CLNK: variants seen among roughly 807,000 people sequenced by gnomAD.
CLNK encodes the protein cytokine dependent hematopoietic cell linker.
Under a neutral mutation model 68.6 loss-of-function variants are expected in CLNK, and 74 were observed. The observed-to-expected ratio is 1.08, with a 90% CI of 0.89 to 1.31. CLNK has a LOEUF of 1.31. Ranked by LOEUF, CLNK falls within the 50% of genes most tolerant of loss-of-function variation. CLNK has a pLI of 0.00. For missense variants in CLNK, 553 were observed against 515.3 expected, an observed-to-expected ratio of 1.07 and a Z score of -0.71; for synonymous variants, 198 against 172.2, an observed-to-expected ratio of 1.15 and a Z score of -1.17.
the CLNK span, among the ~76,000 whole-genome samples, chr4:10,718,924 C>T: frequency 5.9e-5 from 9 of 151,820 alleles, no homozygotes; most frequent in Non-Finnish European, 4.4e-5. Flanking sequence ...GTAATTTTTC[C>T]ATATTTTATT....
intron 2 of CLNK, among the ~76,000 whole-genome samples, chr4:10,639,488 C>A (rs1474677453): frequency 6.6e-6 from 1 of 152,138 alleles, no homozygotes; most frequent in Admixed American, 6.5e-5. Context: ...CCTATGAGAG[C>A]CTAGTGGGAT....
intron 16 of CLNK, among the ~76,000 whole-genome samples, chr4:10,510,559 A>G (rs935706100): frequency 5.3e-5 from 8 of 152,192 alleles, no homozygotes; most frequent in Non-Finnish European, 1.0e-4. Context: ...AACCTGAAAG[A>G]CTAGTTTGGG....
At chr4:10,544,779 A>G (rs1719162991) in intron 8 of CLNK, among the ~76,000 whole-genome samples, 1 of 152,176 alleles carries the variant, frequency 6.6e-6, no homozygotes, top group African/African-American at 2.4e-5. Context: ...AAGTCCAGGA[A>G]CAAAGAGGGG....
At chr4:10,594,192 A>G (rs965446260) in intron 3 of CLNK, among the ~76,000 whole-genome samples, 20 of 152,176 alleles carry the variant, frequency 1.3e-4, no homozygotes, top group African/African-American at 4.8e-4. Context: ...GTGCCCAACA[A>G]AGAGAACTTA....
chr4:10,662,158 G>A (rs1724217702), intron 2 of CLNK, among the ~76,000 whole-genome samples: 1 of 152,150 alleles, frequency 6.6e-6, no homozygotes, highest in East Asian at 1.9e-4. Flanking sequence ...CTGCTGGGGA[G>A]CATCACAACA....
At chr4:10,675,499 C>T (rs1379132283) in intron 1 of CLNK, among the ~76,000 whole-genome samples, 2 of 152,180 alleles carry the variant, frequency 1.3e-5, no homozygotes, top group African/African-American at 4.8e-5. Context: ...TTGTTCTCCA[C>T]TGGGAATTCA....
chr4:10,663,568 T>C (rs1724276470), intron 2 of CLNK, among the ~76,000 whole-genome samples: 3 of 152,218 alleles, frequency 2.0e-5, no homozygotes, highest in Admixed American at 2.0e-4. Flanking sequence ...TAAAAACATA[T>C]GTGTGCATGT....
chr4:10,643,605 T>C (rs1301200873), intron 2 of CLNK, among the ~76,000 whole-genome samples: 1 of 152,240 alleles, frequency 6.6e-6, no homozygotes, highest in Non-Finnish European at 1.5e-5. Flanking sequence ...AGAGGATTGG[T>C]ACAGGGTGGA....
chr4:10,507,434 G>GTTTT (rs757601314), intron 17 of CLNK, among the ~76,000 whole-genome samples: 3 of 134,680 alleles, frequency 2.2e-5, no homozygotes, highest in Non-Finnish European at 4.7e-5. Flanking sequence ...TTTGTTTTCT[G>GTTTT]TTTTTATTTA....
At chr4:10,636,434 G>C (rs749037996) in intron 2 of CLNK, among the ~76,000 whole-genome samples, 15 of 152,186 alleles carry the variant, frequency 9.9e-5, no homozygotes, top group Non-Finnish European at 2.1e-4. Flanking sequence ...TGGAAGATAC[G>C]AGAGAGCACA....
At chr4:10,671,961 G>A (rs967732108) in intron 1 of CLNK, among the ~76,000 whole-genome samples, 1 of 152,086 alleles carries the variant, frequency 6.6e-6, no homozygotes, top group African/African-American at 2.4e-5. Flanking sequence ...AAAATAGCTC[G>A]CTTTGTCTCT....
intron 4 of CLNK, among the ~76,000 whole-genome samples, chr4:10,573,027 C>G (rs1417722896): frequency 6.6e-6 from 1 of 152,092 alleles, no homozygotes; most frequent in East Asian, 1.9e-4. Context: ...ATGGGTTTCA[C>G]TATGTTGGCC....
At chr4:10,562,965 A>G (rs1162089026) in intron 7 of CLNK, among the ~76,000 whole-genome samples, 3 of 152,214 alleles carry the variant, frequency 2.0e-5, no homozygotes, top group African/African-American at 7.2e-5. Flanking sequence ...CACCGATGAC[A>G]TAGTTCTTGA....
intron 2 of CLNK, among the ~76,000 whole-genome samples, chr4:10,646,373 A>T (rs1018483131): frequency 1.3e-5 from 2 of 152,230 alleles, no homozygotes; most frequent in Admixed American, 6.5e-5. Context: ...TTAAATCCAG[A>T]GAGCTTTGGC....
intron 18 of CLNK, among the ~76,000 whole-genome samples, chr4:10,495,822 CAT>C (rs1347898189): frequency 3.2e-5 from 4 of 125,998 alleles, no homozygotes; most frequent in Admixed American, 1.6e-4. Flanking sequence ...GTCACGTGAC[CAT>C]AGAGAGAGAG....
intron 2 of CLNK, among the ~76,000 whole-genome samples, chr4:10,656,761 G>A (rs1051908236): frequency 6.6e-6 from 1 of 152,124 alleles, no homozygotes; most frequent in Admixed American, 6.5e-5. Context: ...AAACTGGATT[G>A]TTCTTAACAG....
chr4:10,507,573 C>T (rs1293588742), intron 17 of CLNK, among the ~76,000 whole-genome samples: 1 of 152,100 alleles, frequency 6.6e-6, no homozygotes, highest in Admixed American at 6.5e-5. Context: ...AAGTGATTCT[C>T]GTGTCTCAGC....
At chr4:10,663,916 C>T (rs969652909) in intron 2 of CLNK, among the ~76,000 whole-genome samples, 1 of 152,110 alleles carries the variant, frequency 6.6e-6, no homozygotes, top group Non-Finnish European at 1.5e-5. Flanking sequence ...TGTGAAGACA[C>T]AGCAAGCAGA....
At chr4:10,508,925 G>A (rs532766679) in intron 16 of CLNK, among the ~76,000 whole-genome samples, 25 of 152,136 alleles carry the variant, frequency 1.6e-4, no homozygotes, top group East Asian at 3.9e-4. Context: ...TGGCCAACAT[G>A]GTGAAACCCC....
Sources: allele counts gnomAD v4.1 joint callset (sites outside exome capture counted in the v4.1 genomes callset), GRCh38; gene constraint gnomAD v4.1.1; transcripts MANE v1.5; gene names NCBI Gene and HGNC (gene_info 2026-07-23, HGNC 2026-07-21).